EXD2: variants seen among roughly 807,000 people sequenced by gnomAD.
The protein encoded by EXD2 is exonuclease 3'-5' domain containing 2.
In EXD2, 40 loss-of-function variants were observed where a neutral mutation model predicts 62.5. The observed-to-expected ratio is 0.64, with a 90% CI of 0.50 to 0.83. The LOEUF (loss-of-function observed/expected upper bound fraction) is 0.83. Ranked by LOEUF, EXD2 falls within the 40% of genes least tolerant of loss-of-function variation. The probability of loss-of-function intolerance (pLI) is 0.00; values close to 1 mark genes in which losing one functional copy is unlikely to be tolerated. For synonymous variants in EXD2, 239 were observed against 291.9 expected (o/e 0.82, Z 1.85); for missense variants, 671 against 761.8 (o/e 0.88, Z 1.40).
At chr14:69,220,438 T>G (rs550009062) in intron 3 of EXD2, among the ~76,000 whole-genome samples, 1 of 148,820 alleles carries the variant, frequency 6.7e-6, no homozygotes, top group Non-Finnish European at 1.5e-5. Context: ...GCCCGGCTAA[T>G]TTTTTGTATT....
At chr14:69,193,060 C>CTCT (rs1555385969) in intron 1 of EXD2, among the ~76,000 whole-genome samples, 151 of 138,128 alleles carry the variant, frequency 1.1e-3, no homozygotes, top group East Asian at 7.0e-3. Flanking sequence ...TTCTCTCTCT[C>CTCT]TTTTTTTTTT....
rs907911034 is a variant in EXD2, at chr14:69,236,319, A to G, written c.1157-88A>G. Reference sequence around the variant, plus strand: ...GAAATCATGTTCTCTGCCAGGCCATAGCAGAGAACAGTGAAGGTAGTGCTG... The same window carrying G: ...GAAATCATGTTCTCTGCCAGGCCATGGCAGAGAACAGTGAAGGTAGTGCTG... On this transcript the variant is annotated intron_variant, in intron 7 of 9. Transcript: ENST00000685843. 8 of 1,593,316 alleles carry G rather than the reference A, an allele frequency of 5.0e-6. No homozygotes were observed. The African/African-American group carries it at 8.1e-5, about 16-fold the overall frequency.
intron 1 of EXD2, among the ~76,000 whole-genome samples, chr14:69,195,655 C>G (rs1175189837): frequency 6.6e-6 from 1 of 152,114 alleles, no homozygotes; most frequent in African/African-American, 2.4e-5. Context: ...GAAACCCATA[C>G]CAATTAGAAG....
chr14:69,220,251 C>CTCTT (rs2043123001), intron 3 of EXD2, among the ~76,000 whole-genome samples: 7 of 60,644 alleles, frequency 1.2e-4, no homozygotes, highest in African/African-American at 4.9e-4. Flanking sequence ...TTTTGTCTCT[C>CTCTT]TGTTTTTTTT....
At chr14:69,229,155 G>T in intron 4 of EXD2, 83 bp downstream of exon 4, 2 of 1,531,458 alleles carry the variant, frequency 1.3e-6, no homozygotes, top group Admixed American at 3.8e-5. Flanking sequence ...GGACTCAATA[G>T]TGAGACATGT....
intron 3 of EXD2, among the ~76,000 whole-genome samples, chr14:69,220,251 C>CTCTTT (rs2043123001): frequency 1.2e-4 from 7 of 60,644 alleles, no homozygotes; most frequent in African/African-American, 4.9e-4. Context: ...TTTTGTCTCT[C>CTCTTT]TGTTTTTTTT....
chr14:69,194,200 G>A (rs1031114937), intron 1 of EXD2, among the ~76,000 whole-genome samples: 57 of 150,086 alleles, frequency 3.8e-4, no homozygotes, highest in Middle Eastern at 3.4e-3. Context: ...GTGCAGTGGC[G>A]CGATCTCAGC....
At chr14:69,208,123 C>A (rs1594740459) in intron 2 of EXD2, among the ~76,000 whole-genome samples, 1 of 151,476 alleles carries the variant, frequency 6.6e-6, no homozygotes, top group Non-Finnish European at 1.5e-5. Flanking sequence ...GGAACGAACT[C>A]CTGACCTCAG....
intron 3 of EXD2, among the ~76,000 whole-genome samples, chr14:69,217,813 G>C (rs1406126111): frequency 6.6e-6 from 1 of 152,094 alleles, no homozygotes; most frequent in South Asian, 2.1e-4. Context: ...CCTTGCGATA[G>C]TTTGCTGAGA....
intron 3 of EXD2, among the ~76,000 whole-genome samples, chr14:69,217,996 C>G (rs763843079): frequency 6.6e-6 from 1 of 152,150 alleles, no homozygotes; most frequent in Non-Finnish European, 1.5e-5. Flanking sequence ...AATAAACATA[C>G]GTGTGCATGT....
chr14:69,229,110 G>A lies in EXD2; in HGVS notation c.590+38G>A, dbSNP rs535049258. 5 of 1,606,720 alleles carry A rather than the reference G, an allele frequency of 3.1e-6. 1 individual carries two copies. Among genetic ancestry groups the A allele is most frequent in the Middle Eastern group, 3.3e-4 (2 of 6,012 alleles). ...TGAATGCTGGGATTCCTATAGCTGC[G>A]GGACAAATATTTTAGCCAGATTTGT... On this transcript the variant is annotated intron_variant, in intron 4 of 9. Transcript: ENST00000685843.
intron 5 of EXD2, among the ~76,000 whole-genome samples, chr14:69,232,585 TC>T (rs1370120144): frequency 6.6e-6 from 1 of 152,236 alleles, no homozygotes; most frequent in Non-Finnish European, 1.5e-5. Context: ...ATTAGAGCCA[TC>T]CTAGTAGGTG....
At position 69,243,360 on chromosome 14, in the gene EXD2, GAT is replaced by G. The variant is rs1409803102; in HGVS notation, c.*2263_*2264del. 2 of 152,142 alleles carry G rather than the reference GAT, an allele frequency of 1.3e-5. No individual in the cohort carries two copies. The highest frequency in any genetic ancestry group is 2.4e-5 in the African/African-American group (1 of 41,428). The allele number at this position is 152,142 out of a possible 1,614,324, so 9.4% of individuals were successfully genotyped here. Reference sequence around the variant, plus strand: ...ATCTAAAACAGAGCTAAACTTTGCTGATATGTTTATGAATTTCCTTTCAGTAT... The same window carrying G: ...ATCTAAAACAGAGCTAAACTTTGCTGATGTTTATGAATTTCCTTTCAGTAT... On this transcript the variant is annotated 3_prime_UTR_variant, in exon 10 of 10. Coordinates refer to ENST00000685843, the MANE Select transcript of EXD2 (RefSeq NM_001193360.2).
intron 6 of EXD2, chr14:69,235,705 T>C: frequency 3.1e-6 from 1 of 322,468 alleles, no homozygotes; most frequent in South Asian, 2.8e-5. Flanking sequence ...AAATTTTTAA[T>C]GTACTTTGTT....
chr14:69,216,836 A>G (rs1464845162), intron 3 of EXD2, among the ~76,000 whole-genome samples: 1 of 152,184 alleles, frequency 6.6e-6, no homozygotes, highest in Non-Finnish European at 1.5e-5. Flanking sequence ...TATCATTTTT[A>G]ATGATGAGAA....
At chr14:69,220,520 A>G (rs1045048583) in intron 3 of EXD2, among the ~76,000 whole-genome samples, 7 of 142,972 alleles carry the variant, frequency 4.9e-5, no homozygotes, top group African/African-American at 1.8e-4. Context: ...AGCCTCCCAA[A>G]GTGCTGGGAT....
intron 3 of EXD2, among the ~76,000 whole-genome samples, chr14:69,218,980 T>G (rs902358973): frequency 6.6e-5 from 10 of 152,200 alleles, no homozygotes; most frequent in Non-Finnish European, 1.2e-4. Context: ...AGGATTGTCT[T>G]GGCAATGCAG....
chr14:69,200,573 G>A (rs1040179166), intron 1 of EXD2, among the ~76,000 whole-genome samples: 1 of 151,824 alleles, frequency 6.6e-6, no homozygotes, highest in Non-Finnish European at 1.5e-5. Flanking sequence ...CCCAGGCATC[G>A]TGGGGACTAC....
At chr14:69,209,914 T>A in intron 3 of EXD2, 111 bp downstream of exon 3, 1 of 917,868 alleles carries the variant, frequency 1.1e-6, no homozygotes, top group Non-Finnish European at 1.5e-6. Context: ...ATGAATTAGC[T>A]TGTTCTCAAC....
Sources: gnomAD v4.1 joint callset for allele counts (sites outside exome capture counted in the v4.1 genomes callset) on GRCh38, gnomAD v4.1.1 for gene constraint, MANE v1.5 for transcripts, NCBI Gene and HGNC (gene_info 2026-07-23, HGNC 2026-07-21) for gene names.